The following NR3C1 variants were observed in gnomAD, a reference collection of about 807,000 sequenced individuals.
NR3C1 encodes nuclear receptor subfamily 3 group C member 1.
NR3C1 carries 14 observed loss-of-function variants against 74.0 expected under a neutral mutation model. The observed-to-expected ratio is 0.19, with a 90% confidence interval of 0.12 to 0.30. The LOEUF (loss-of-function observed/expected upper bound fraction) is 0.30, where lower values mean the gene tolerates loss of function less well. Among genes scored for constraint, NR3C1 ranks in the 10% least tolerant of loss-of-function variants. The pLI is 1.00. For missense variants in NR3C1, 695 were observed against 909.8 expected (o/e 0.76, Z 3.04); for synonymous variants, 308 against 332.5 (o/e 0.93, Z 0.80).
At chr5:143,367,215 T>C (rs1833393132) in intron 2 of NR3C1, among the ~76,000 whole-genome samples, 1 of 152,106 alleles carries the variant, frequency 6.6e-6, no homozygotes, top group African/African-American at 2.4e-5. Context: ...CCTTTCCTGA[T>C]TAAAACAATC....
Position 143,333,021 on chromosome 5 carries a change from G to A in NR3C1, c.1185-18853C>T. ...TCTGACAGACAACACAGTGATTGAG[G>A]AGCACCTGGGGAAGTTTGGCTTCAT... On this transcript the variant is annotated intron_variant, in intron 2 of 8. Coordinates refer to ENST00000394464, the MANE Select transcript of NR3C1 (RefSeq NM_000176.3). 5 of 1,588,406 alleles carry A rather than the reference G, an allele frequency of 3.1e-6. No individual in the cohort carries two copies. In the South Asian group the frequency reaches 5.5e-5, roughly 17 times the overall value.
In NR3C1 at chr5:143,281,951, T is replaced by A. The variant is rs1437232377; in HGVS notation, c.2272A>T (p.Thr758Ser). Residue 758 changes from threonine to serine, a missense_variant, in exon 9 of 9, where the codon ACC becomes TCC. Thr to Ser is a moderately conservative substitution (Grantham distance 58, BLOSUM62 1). This residue lies in a region of NR3C1 where 133 missense variants were observed against 287.9 expected (regional missense o/e 0.46). Coordinates refer to ENST00000394464, the MANE Select transcript of NR3C1 (RefSeq NM_000176.3). ...EFPEMLAEII[T>S]NQIPKYSNGN... ...TTTGAATATTTTGGTATCTGATTGGTGATGATTTCAGCTAACATCTCGGGG... is the reference window on the plus strand; with the variant it reads ...TTTGAATATTTTGGTATCTGATTGGAGATGATTTCAGCTAACATCTCGGGG... 5 of 1,613,536 alleles carry A rather than the reference T, an allele frequency of 3.1e-6. No homozygotes were observed. The South Asian group carries it at 5.5e-5, about 18-fold the overall frequency.
chr5:143,399,970 C>A lies in NR3C1; in HGVS notation c.870G>T (p.Gly290=), dbSNP rs746430289. The change falls in exon 2 of 9, where the codon GGG becomes GGT. Residue 290 remains glycine, a synonymous_variant. Coordinates refer to ENST00000394464, the MANE Select transcript of NR3C1 (RefSeq NM_000176.3). ...TGCCCAGTTTCTCTTGCTTAATTAC[C>A]CCAGGGGTGCAGAGTTCGATGAAAT... ...KEDFIELCTP[G]VIKQEKLGTV... 1.2e-5 allele frequency: 19 copies of A among 1,613,996 alleles called. No homozygotes were observed. Among genetic ancestry groups the A allele is most frequent in the Non-Finnish European group, 1.6e-5 (19 of 1,180,040 alleles).
At chr5:143,314,252 CAG>C in intron 2 of NR3C1, 84 bp from the exon 3 acceptor site, 1 of 1,413,168 alleles carries the variant, frequency 7.1e-7, no homozygotes, top group Admixed American at 1.9e-5. Flanking sequence ...ACTTCATAGT[CAG>C]AATGCTCACA....
Position 143,400,465 on chromosome 5 carries a change from G to A in NR3C1, c.375C>T (p.Ser125=), listed in dbSNP as rs1428855989. The part of the protein sequence containing the change: ...GETDLKLLEE[S]IANLNRSTSV... The stretch of plus-strand genomic sequence containing the variant: ...TGGTCGACCTATTGAGGTTTGCAAT[G>A]CTTTCTTCCAAAAGCTTTAAGTCTG... The change falls in exon 2 of 9, where the codon AGC becomes AGT. Residue 125 remains serine, a synonymous_variant. Transcript: ENST00000394464. The A allele has an allele frequency of 3.1e-6, 5 of 1,614,078 alleles. No homozygotes were observed. The African/African-American group carries it at 5.3e-5, about 17-fold the overall frequency.
intron 2 of NR3C1, among the ~76,000 whole-genome samples, chr5:143,371,479 C>T (rs893317055): frequency 3.9e-5 from 6 of 152,164 alleles, no homozygotes; most frequent in African/African-American, 7.2e-5. Context: ...CTTGCTAAGA[C>T]GTAAGAGTGC....
In NR3C1 at chr5:143,293,914, A is replaced by ATTATACCTTCATGGTATCAATC. The variant is rs539405987; in HGVS notation, c.2023+1524_2023+1545dup. The ATTATACCTTCATGGTATCAATC allele has an allele frequency of 1.6e-4, 160 of 983,230 alleles. No homozygotes were observed. In the African/African-American group the frequency reaches 2.6e-3, roughly 16 times the overall value. The allele number at this position is 983,230 out of a possible 1,614,324, so 60.9% of individuals were successfully genotyped here. On this transcript the variant is annotated intron_variant, in intron 7 of 8. Coordinates refer to ENST00000394464, the MANE Select transcript of NR3C1 (RefSeq NM_000176.3). Reference sequence around the variant, plus strand: ...AAAGTTGTTAGTATCCAGGCACTGAATTATACCTTCATGGTATCAATCAAA... The same window carrying ATTATACCTTCATGGTATCAATC: ...AAAGTTGTTAGTATCCAGGCACTGAATTATACCTTCATGGTATCAATCTTATACCTTCATGGTATCAATCAAA...
At chr5:143,402,886 G>C (rs1840600385) in intron 1 of NR3C1, 1 of 955,338 alleles carries the variant, frequency 1.0e-6, no homozygotes, top group Non-Finnish European at 1.2e-6. Context: ...GACACTAGGG[G>C]GAGAAAAGAG....
At chr5:143,320,959 G>A (rs1010175536) in intron 2 of NR3C1, among the ~76,000 whole-genome samples, 1 of 152,196 alleles carries the variant, frequency 6.6e-6, no homozygotes, top group Non-Finnish European at 1.5e-5. Flanking sequence ...AGCAATAATA[G>A]TACATTGAAT....
chr5:143,286,571 G>T (rs1186656812), intron 7 of NR3C1, among the ~76,000 whole-genome samples: 1 of 152,066 alleles, frequency 6.6e-6, no homozygotes, highest in East Asian at 1.9e-4. Flanking sequence ...GAATAATGCT[G>T]CTATGAACAT....
At chr5:143,420,669 A>T (rs1347128757) in intron 1 of NR3C1, among the ~76,000 whole-genome samples, 3 of 152,144 alleles carry the variant, frequency 2.0e-5, no homozygotes. Context: ...GAAGCCAGGG[A>T]TCCTGCTAAA....
At chr5:143,430,051 C>T (rs1486264895) in intron 1 of NR3C1, among the ~76,000 whole-genome samples, 9 of 148,794 alleles carry the variant, frequency 6.0e-5, no homozygotes, top group Non-Finnish European at 1.2e-4. Context: ...CACTGCACTC[C>T]AGCCTGGGTG....
intron 1 of NR3C1, among the ~76,000 whole-genome samples, chr5:143,426,083 C>A (rs1751513024): frequency 6.6e-6 from 1 of 150,840 alleles, no homozygotes; most frequent in Non-Finnish European, 1.5e-5. Flanking sequence ...CATGGAGAAA[C>A]CTTTAATACA....
chr5:143,358,594 T>C (rs1479918123), intron 2 of NR3C1, among the ~76,000 whole-genome samples: 1 of 152,194 alleles, frequency 6.6e-6, no homozygotes, highest in Non-Finnish European at 1.5e-5. Context: ...CTTAGCAAAA[T>C]ATTTTCTTTT....
rs143244411 is a variant in NR3C1, at chr5:143,284,437, G to A, written c.2024-1712C>T. On this transcript the variant is annotated intron_variant, in intron 7 of 8. Transcript: ENST00000394464. Reference sequence around the variant, plus strand: ...AGACCGCTTAATCAGGAGTGATAACGGCATTCTATATTAACAATGGGTTAA... The same window carrying A: ...AGACCGCTTAATCAGGAGTGATAACAGCATTCTATATTAACAATGGGTTAA... Among the ~76,000 whole-genome samples, 913 of 143,954 alleles carry A rather than the reference G, an allele frequency of 6.3e-3. 6 individuals carry two copies. The highest frequency in any genetic ancestry group is 9.9e-3 in the Non-Finnish European group (627 of 63,602). 94.4% of individuals were successfully genotyped at this position (143,954 alleles called of 152,430 possible).
chr5:143,380,343 G>A (rs1331795016), intron 2 of NR3C1, among the ~76,000 whole-genome samples: 5 of 152,104 alleles, frequency 3.3e-5, no homozygotes, highest in African/African-American at 1.2e-4. Flanking sequence ...TCTACATTAA[G>A]AAAGTAAAGT....
chr5:143,375,685 T>C (rs1039113365), intron 2 of NR3C1: 1 of 152,214 alleles, frequency 6.6e-6, no homozygotes, highest in African/African-American at 2.4e-5. Flanking sequence ...ATATGAAAAG[T>C]AACCAAAAGA....
intron 2 of NR3C1, among the ~76,000 whole-genome samples, chr5:143,383,091 G>C (rs566381330): frequency 6.6e-6 from 1 of 152,318 alleles, no homozygotes; most frequent in East Asian, 1.9e-4. Context: ...GCCTGAAATT[G>C]GATGGCATTT....
chr5:143,375,414 G>C (rs1010799575), intron 2 of NR3C1, among the ~76,000 whole-genome samples: 1 of 152,096 alleles, frequency 6.6e-6, no homozygotes, highest in African/African-American at 2.4e-5. Flanking sequence ...CTACAAAAGA[G>C]TCAAAATTCT....
Sources: gnomAD v4.1 joint callset for allele counts (sites outside exome capture counted in the v4.1 genomes callset) on GRCh38, gnomAD v4.1.1 for gene constraint, gnomAD v4.1.1 regional missense constraint, MANE v1.5 for transcripts, NCBI Gene and HGNC (gene_info 2026-07-23, HGNC 2026-07-21) for gene names.